Variants in CRYBG3 observed in about 807,000 individuals in gnomAD.
CRYBG3 encodes the protein very large A-kinase anchor protein.
A neutral mutation model predicts 244.2 loss-of-function variants in CRYBG3; 127 were observed. That is an observed-to-expected ratio of 0.52 (90% CI 0.45 to 0.60). CRYBG3 has a LOEUF of 0.60. CRYBG3 is among the 20% of genes least tolerant of loss of function. CRYBG3 has a pLI of 0.00. For synonymous variants in CRYBG3, 1,132 were observed against 1,195.8 expected (o/e 0.95, Z 1.10); for missense variants, 3,325 against 3,442.5 (o/e 0.97, Z 0.85).
rs2040095119 is a variant in CRYBG3 at position 97,931,383 on chromosome 3, G to C, written c.8242-2311G>C. Among the ~76,000 whole-genome samples, 5 of 151,980 alleles carry C rather than the reference G, an allele frequency of 3.3e-5. No individual in the cohort carries two copies. The South Asian group carries it at 1.0e-3, about 32-fold the overall frequency. On this transcript the variant is annotated intron_variant, in intron 17 of 21. Transcript: ENST00000389622. ...TACAGTGTAAATGGGTTCTGTTTTG[G>C]CTGTCTTCTCCTGATTCATTTGTTC... is the stretch of plus-strand genomic sequence containing the variant.
Position 97,886,627 on chromosome 3 carries a change from TCAGGA to T in CRYBG3, c.7153-2_7155del. The T allele has an allele frequency of 1.9e-6, 3 of 1,590,862 alleles. No individual in the cohort carries two copies. The Admixed American group carries it at 5.6e-5, about 30-fold the overall frequency. Reference sequence around the variant, plus strand: ...TTCAAAGCCAAATTATTTTTTTTTTTCAGGACTGCAGCATTCCAGAAATAGAGCTT... The same window carrying T: ...TTCAAAGCCAAATTATTTTTTTTTTTCTGCAGCATTCCAGAAATAGAGCTT... On this transcript the variant is annotated splice_acceptor_variant and splice_polypyrimidine_tract_variant and coding_sequence_variant and intron_variant, in exon 8 of 22. Transcript: ENST00000389622. LOFTEE classifies it high-confidence loss of function.
chr3:97,858,685 T>A (rs1309240211), intron 2 of CRYBG3, among the ~76,000 whole-genome samples: 1 of 152,166 alleles, frequency 6.6e-6, no homozygotes. Flanking sequence ...ACACCTATCT[T>A]GTTGACTTTA....
At chr3:97,835,815 A>G (rs2038724627) in intron 1 of CRYBG3, among the ~76,000 whole-genome samples, 1 of 152,112 alleles carries the variant, frequency 6.6e-6, no homozygotes, top group Non-Finnish European at 1.5e-5. Flanking sequence ...GTTGAATGAT[A>G]TGTGAATGAA....
intron 1 of CRYBG3, among the ~76,000 whole-genome samples, chr3:97,838,530 T>C (rs2038767955): frequency 6.6e-6 from 1 of 152,040 alleles, no homozygotes; most frequent in Non-Finnish European, 1.5e-5. Context: ...AGAAATCTGT[T>C]TGAGAAACAT....
At chr3:97,841,323 T>TATATATA (rs1165636956) in intron 1 of CRYBG3, among the ~76,000 whole-genome samples, 1 of 150,316 alleles carries the variant, frequency 6.7e-6, no homozygotes, top group Non-Finnish European at 1.5e-5. Flanking sequence ...TATATACGCA[T>TATATATA]ATATATATGT....
intron 1 of CRYBG3, among the ~76,000 whole-genome samples, chr3:97,828,843 A>AT (rs1290946232): frequency 6.0e-5 from 9 of 151,228 alleles, no homozygotes; most frequent in Non-Finnish European, 1.0e-4. Flanking sequence ...AAAAAAAAAA[A>AT]AATAACAAAA....
chr3:97,850,128 G>A (rs939684787), intron 2 of CRYBG3, among the ~76,000 whole-genome samples: 3 of 151,996 alleles, frequency 2.0e-5, no homozygotes, highest in Admixed American at 2.0e-4. Flanking sequence ...GCTATTTCTG[G>A]AAGTACCACC....
chr3:97,843,683 T>A (rs2038855857), intron 2 of CRYBG3, among the ~76,000 whole-genome samples: 1 of 152,184 alleles, frequency 6.6e-6, no homozygotes, highest in Admixed American at 6.5e-5. Flanking sequence ...TTTCTACATA[T>A]CATTGCTCTG....
chr3:97,880,880 C>G (rs780522110), intron 6 of CRYBG3, among the ~76,000 whole-genome samples, 192 bp from the exon 7 acceptor site: 1 of 152,088 alleles, frequency 6.6e-6, no homozygotes, highest in Non-Finnish European at 1.5e-5. Flanking sequence ...GGTATATGCA[C>G]TTTTATTTTT....
intron 15 of CRYBG3, among the ~76,000 whole-genome samples, chr3:97,911,677 G>A (rs7653323): frequency 7.9e-5 from 12 of 152,290 alleles, no homozygotes; most frequent in South Asian, 2.1e-4. Context: ...GCATGTGCTC[G>A]TGCTCTCCTC....
At chr3:97,900,571 G>A (rs1265289395) in intron 15 of CRYBG3, 86 bp downstream of exon 15, 1 of 870,556 alleles carries the variant, frequency 1.1e-6, no homozygotes. Context: ...CTTTTCTGCA[G>A]ATAACTTTTA....
chr3:97,853,690 T>C (rs1277639502), intron 2 of CRYBG3, among the ~76,000 whole-genome samples: 3 of 152,196 alleles, frequency 2.0e-5, no homozygotes, highest in Non-Finnish European at 2.9e-5. Flanking sequence ...GTAAAAGTGT[T>C]CTCCTTTCAC....
rs145793887 is a variant in CRYBG3 at position 97,849,485 on chromosome 3, G to A, written c.216+6224G>A. On this transcript the variant is annotated intron_variant, in intron 2 of 21. Coordinates refer to ENST00000389622, the MANE Select transcript of CRYBG3 (RefSeq NM_153605.4). ...CTGGAGTGCCCGAAATGGAAAATGC[G>A]CTGTGTGTTACTGTGCTGTCCAGTT... Among the ~76,000 whole-genome samples, 130 of 152,136 alleles carry A rather than the reference G, an allele frequency of 8.5e-4. 2 individuals carry two copies. Among genetic ancestry groups the A allele is most frequent in the Admixed American group, 8.5e-4 (13 of 15,280 alleles).
At chr3:97,926,048 G>T (rs879506771) in intron 17 of CRYBG3, among the ~76,000 whole-genome samples, 6 of 151,980 alleles carry the variant, frequency 3.9e-5, no homozygotes, top group African/African-American at 7.2e-5. Flanking sequence ...GACCCTGGGC[G>T]TGTTTCTGAC....
chr3:97,936,222 T>A (rs2040162448), intron 18 of CRYBG3, among the ~76,000 whole-genome samples: 1 of 152,068 alleles, frequency 6.6e-6, no homozygotes, highest in Non-Finnish European at 1.5e-5. Flanking sequence ...TTTACACACT[T>A]TAATGCTGCC....
At position 97,877,325 on chromosome 3, in the gene CRYBG3, G is replaced by A; in HGVS notation, c.6131G>A (p.Ser2044Asn). 1.2e-6 allele frequency: 2 copies of A among 1,613,908 alleles called. No individual in the cohort carries two copies. Among genetic ancestry groups the A allele is most frequent in the Non-Finnish European group, 1.7e-6 (2 of 1,179,798 alleles). The change falls in exon 4 of 22, where the codon AGT (serine) becomes AAT (asparagine). Residue 2044 changes from serine to asparagine, a missense_variant. Coordinates refer to ENST00000389622, the MANE Select transcript of CRYBG3 (RefSeq NM_153605.4). Reference sequence around the variant, plus strand: ...GTTCTGGCATGTGAAAGGTCTGAGAGTAGAACTGACCTTGTCCATCACTTT... The same window carrying A: ...GTTCTGGCATGTGAAAGGTCTGAGAATAGAACTGACCTTGTCCATCACTTT... ...MPVLACERSE[S>N]RTDLVHHFEK... is the part of the protein sequence containing the mutation.
intron 2 of CRYBG3, among the ~76,000 whole-genome samples, chr3:97,847,269 A>G (rs1451829729): frequency 6.6e-6 from 1 of 152,202 alleles, no homozygotes; most frequent in Non-Finnish European, 1.5e-5. Flanking sequence ...CTGTCTTTGT[A>G]CTTATAACTA....
intron 15 of CRYBG3, 57 bp from the exon 16 acceptor site, chr3:97,912,110 C>T (rs534490184): frequency 4.3e-5 from 35 of 807,076 alleles, no homozygotes; most frequent in Middle Eastern, 2.4e-4. Context: ...TTTATTTGCT[C>T]GTGATCATCT....
At chr3:97,891,513 T>C (rs2039575497) in intron 10 of CRYBG3, among the ~76,000 whole-genome samples, 1 of 152,114 alleles carries the variant, frequency 6.6e-6, no homozygotes, top group African/African-American at 2.4e-5. Flanking sequence ...TAAAAATAAC[T>C]ATAGACGTTA....
Sources: allele counts gnomAD v4.1 joint callset (sites outside exome capture counted in the v4.1 genomes callset), GRCh38; gene constraint gnomAD v4.1.1; transcripts MANE v1.5; gene names NCBI Gene and HGNC (gene_info 2026-07-23, HGNC 2026-07-21).